EPHA3: variants seen among roughly 807,000 people sequenced by gnomAD.
EPHA3 encodes ephrin type-A receptor 3.
In EPHA3, 42 loss-of-function variants were observed where a neutral mutation model predicts 107.1. The observed-to-expected ratio is 0.39, with a 90% CI of 0.31 to 0.51. The LOEUF is 0.51. Ranked by LOEUF, EPHA3 falls within the 20% of genes least tolerant of loss-of-function variation. The probability of loss-of-function intolerance (pLI) is 0.78; values close to 1 mark genes in which losing one functional copy is unlikely to be tolerated. For missense variants in EPHA3, 1,183 were observed against 1,211.2 expected (o/e 0.98, Z 0.35); for synonymous variants, 461 against 424.8 (o/e 1.09, Z -1.05).
intron 3 of EPHA3, among the ~76,000 whole-genome samples, chr3:89,315,994 A>G (rs1426520002): frequency 6.6e-6 from 1 of 152,046 alleles, no homozygotes; most frequent in South Asian, 2.1e-4. Context: ...TGGATGAATC[A>G]TAAAAAGGTC....
At chr3:89,327,013 A>G (rs1707181531) in intron 3 of EPHA3, among the ~76,000 whole-genome samples, 1 of 152,082 alleles carries the variant, frequency 6.6e-6, no homozygotes, top group Non-Finnish European at 1.5e-5. Flanking sequence ...TTCTTCCCTG[A>G]AAGTTTTTCG....
chr3:89,175,595 C>T (rs1028481889), intron 2 of EPHA3, among the ~76,000 whole-genome samples: 1 of 151,956 alleles, frequency 6.6e-6, no homozygotes, highest in African/African-American at 2.4e-5. Context: ...TATGTTTCAG[C>T]CTTATTGGCT....
intron 11 of EPHA3, among the ~76,000 whole-genome samples, chr3:89,423,040 T>C (rs1042669097): frequency 1.5e-4 from 23 of 151,412 alleles, no homozygotes; most frequent in Non-Finnish European, 3.0e-4. Context: ...AGCAAATGTT[T>C]GATATTTCTG....
At chr3:89,150,680 T>A (rs1234094988) in intron 2 of EPHA3, among the ~76,000 whole-genome samples, 1 of 152,128 alleles carries the variant, frequency 6.6e-6, no homozygotes, top group East Asian at 1.9e-4. Context: ...TTGAATCTTA[T>A]GTGTATTCAG....
chr3:89,475,761 C>T (rs1205966759), intron 16 of EPHA3, among the ~76,000 whole-genome samples: 1 of 152,176 alleles, frequency 6.6e-6, no homozygotes, highest in African/African-American at 2.4e-5. Flanking sequence ...TCACCTATCC[C>T]TTTGCCTTTG....
chr3:89,272,256 AT>A (rs1298248326), intron 3 of EPHA3, among the ~76,000 whole-genome samples: 4 of 150,346 alleles, frequency 2.7e-5, no homozygotes, highest in Admixed American at 6.7e-5. Context: ...CCGTACTACC[AT>A]TTTTTTTGTA....
At chr3:89,324,243 C>T (rs1707113817) in intron 3 of EPHA3, among the ~76,000 whole-genome samples, 1 of 151,056 alleles carries the variant, frequency 6.6e-6, no homozygotes, top group African/African-American at 2.4e-5. Context: ...TCTTGGCTCA[C>T]CGCAACCTCC....
At chr3:89,250,354 T>G (rs1282759587) in intron 3 of EPHA3, among the ~76,000 whole-genome samples, 3 of 152,228 alleles carry the variant, frequency 2.0e-5, no homozygotes, top group Non-Finnish European at 4.4e-5. Context: ...TTTTCCCATA[T>G]CTTCCATCCT....
chr3:89,449,278 G>A lies in EPHA3; in HGVS notation c.2400G>A (p.Lys800=), dbSNP rs1398197. Residue 800 remains lysine (K), a synonymous_variant, in exon 14 of 17, where the codon AAG becomes AAA. Transcript: ENST00000336596. ...CACCAGAAGCTATAGCCTACCGCAA[G>A]TTCACGTCAGCCAGCGATGTATGGA... ...WTSPEAIAYR[K]FTSASDVWSY... is the part of the protein sequence containing the mutation. 99,900 of 1,611,692 alleles carry A rather than the reference G, an allele frequency of 0.062. 4,487 individuals carry two copies. Among genetic ancestry groups the A allele is most frequent in the African/African-American group, 0.24 (17,809 of 74,796 alleles).
intron 10 of EPHA3, among the ~76,000 whole-genome samples, chr3:89,417,294 G>A (rs1163393803): frequency 6.6e-6 from 1 of 151,402 alleles, no homozygotes; most frequent in Non-Finnish European, 1.5e-5. Context: ...GAAGCAATTC[G>A]GCTGCAGGAT....
chr3:89,449,741 T>G (rs939863411), intron 14 of EPHA3, among the ~76,000 whole-genome samples: 1 of 152,120 alleles, frequency 6.6e-6, no homozygotes, highest in African/African-American at 2.4e-5. Context: ...TTACAGCACT[T>G]AGGATTTTAC....
At chr3:89,336,735 C>T (rs1034917145) in intron 3 of EPHA3, among the ~76,000 whole-genome samples, 9 of 152,044 alleles carry the variant, frequency 5.9e-5, no homozygotes, top group African/African-American at 2.2e-4. Context: ...CTCATCCGCC[C>T]ATACCAATGT....
intron 14 of EPHA3, 49 bp downstream of exon 14, chr3:89,449,423 C>A (rs765772315): frequency 1.3e-6 from 2 of 1,492,324 alleles, no homozygotes; most frequent in East Asian, 2.3e-5. Context: ...AAAGATCAAG[C>A]TGTGCAAGGA....
At chr3:89,208,348 C>T (rs376928157) in intron 2 of EPHA3, among the ~76,000 whole-genome samples, 32 of 129,658 alleles carry the variant, frequency 2.5e-4, no homozygotes, top group South Asian at 1.6e-3. Context: ...CTAGCCTGGG[C>T]GACAGGAGCA....
chr3:89,291,305 C>T (rs1235533069), intron 3 of EPHA3, among the ~76,000 whole-genome samples: 2 of 152,040 alleles, frequency 1.3e-5, no homozygotes, highest in Admixed American at 1.3e-4. Context: ...ATTATGGAGG[C>T]TAGAAAACTA....
intron 13 of EPHA3, among the ~76,000 whole-genome samples, chr3:89,447,524 T>C (rs745982089): frequency 2.0e-5 from 3 of 152,152 alleles, no homozygotes; most frequent in Non-Finnish European, 4.4e-5. Flanking sequence ...ATCACTCTCC[T>C]AGCCAGGATA....
intron 2 of EPHA3, among the ~76,000 whole-genome samples, chr3:89,154,849 G>A (rs1243138566): frequency 1.3e-5 from 2 of 148,428 alleles, no homozygotes; most frequent in Non-Finnish European, 3.0e-5. Flanking sequence ...CTTCCTTTAA[G>A]CCACATTAAA....
At chr3:89,177,756 A>G (rs969662611) in intron 2 of EPHA3, among the ~76,000 whole-genome samples, 2 of 152,138 alleles carry the variant, frequency 1.3e-5, no homozygotes, top group Admixed American at 1.3e-4. Flanking sequence ...GGTAATTTCA[A>G]CTGTAGTCCT....
At chr3:89,307,390 G>T (rs946004341) in intron 3 of EPHA3, among the ~76,000 whole-genome samples, 1 of 152,084 alleles carries the variant, frequency 6.6e-6, no homozygotes, top group African/African-American at 2.4e-5. Context: ...AAAAAAAGAC[G>T]AAGTCTGAAG....
Sources: allele counts gnomAD v4.1 joint callset (sites outside exome capture counted in the v4.1 genomes callset), GRCh38; gene constraint gnomAD v4.1.1; transcripts MANE v1.5; gene names NCBI Gene and HGNC (gene_info 2026-07-23, HGNC 2026-07-21).